The following SLC6A2 variants were observed in gnomAD, a reference collection of about 807,000 sequenced individuals.
The protein encoded by SLC6A2 is solute carrier family 6 member 2.
In SLC6A2, 26 loss-of-function variants were observed where a neutral mutation model predicts 71.7. That is an observed-to-expected ratio of 0.36 (90% CI 0.27 to 0.50). The LOEUF (loss-of-function observed/expected upper bound fraction) is 0.50, where lower values mean the gene tolerates loss of function less well. Ranked by LOEUF, SLC6A2 falls within the 20% of genes least tolerant of loss-of-function variation. The pLI is 0.96. For missense variants in SLC6A2, 581 were observed against 803.9 expected (o/e 0.72, Z 3.35); for synonymous variants, 363 against 337.9 (o/e 1.07, Z -0.82).
intron 2 of SLC6A2, among the ~76,000 whole-genome samples, chr16:55,662,839 A>G (rs574284672): frequency 7.2e-5 from 11 of 152,166 alleles, no homozygotes; most frequent in African/African-American, 2.2e-4. Flanking sequence ...CAGGTCTTTC[A>G]CTCAACAACA....
intron 2 of SLC6A2, among the ~76,000 whole-genome samples, chr16:55,657,551 A>G (rs1434856200): frequency 1.3e-5 from 2 of 152,226 alleles, no homozygotes; most frequent in African/African-American, 2.4e-5. Flanking sequence ...AGAAGCCAGT[A>G]TCAGAAATAA....
chr16:55,675,505 T>C (rs1475244882), intron 4 of SLC6A2, among the ~76,000 whole-genome samples: 3 of 152,202 alleles, frequency 2.0e-5, no homozygotes, highest in East Asian at 3.9e-4. Context: ...AGGTCGTACC[T>C]AAACAGTCCA....
chr16:55,690,219 C>T (rs1437179153), intron 5 of SLC6A2, among the ~76,000 whole-genome samples: 3 of 152,158 alleles, frequency 2.0e-5, no homozygotes, highest in Non-Finnish European at 4.4e-5. Flanking sequence ...ATCATTCGTA[C>T]AATAAACATT....
chr16:55,666,522 G>A (rs1326299513), intron 2 of SLC6A2, among the ~76,000 whole-genome samples: 1 of 152,176 alleles, frequency 6.6e-6, no homozygotes, highest in Non-Finnish European at 1.5e-5. Flanking sequence ...GCCGCGGGTA[G>A]CTGGCTGTTT....
chr16:55,680,812 C>A (rs1965247636), intron 4 of SLC6A2, among the ~76,000 whole-genome samples: 1 of 152,080 alleles, frequency 6.6e-6, no homozygotes, highest in African/African-American at 2.4e-5. Flanking sequence ...TAGCGGGGAC[C>A]AGACATGGCA....
rs1207956436 is a variant in SLC6A2, at chr16:55,703,496, G to A, written c.*1150G>A. The A allele has an allele frequency of 1.0e-6, 1 of 985,266 alleles. No homozygotes were observed. Among genetic ancestry groups the A allele is most frequent in the Non-Finnish European group, 1.2e-6 (1 of 829,918 alleles). The allele number at this position is 985,266 out of a possible 1,614,324, so 61.0% of individuals were successfully genotyped here. The stretch of plus-strand genomic sequence containing the variant: ...CCAGAAATACTCTCTCAAGTGGAGG[G>A]GAGAATTTTGAGAGTGGATGGAACA... On this transcript the variant is annotated 3_prime_UTR_variant, in exon 15 of 15. Coordinates refer to ENST00000568943, the MANE Select transcript of SLC6A2 (RefSeq NM_001172501.3).
intron 3 of SLC6A2, among the ~76,000 whole-genome samples, chr16:55,671,176 G>A (rs1964899359): frequency 1.3e-5 from 2 of 152,198 alleles, no homozygotes; most frequent in South Asian, 4.1e-4. Context: ...AGCAGCAACT[G>A]GGGATAGGGA....
At chr16:55,670,266 A>G (rs1323251884) in intron 3 of SLC6A2, among the ~76,000 whole-genome samples, 1 of 152,178 alleles carries the variant, frequency 6.6e-6, no homozygotes, top group African/African-American at 2.4e-5. Context: ...CACTGGTTGG[A>G]GAACTGGGCA....
chr16:55,691,966 C>T lies in SLC6A2; in HGVS notation c.832C>T (p.Leu278=), dbSNP rs745679018. 1.9e-6 allele frequency: 3 copies of T among 1,614,070 alleles called. 1 individual carries two copies. The highest frequency in any genetic ancestry group is 2.2e-5 in the South Asian group (2 of 91,082). Residue 278 remains leucine, a synonymous_variant, in exon 6 of 15, where the codon CTG becomes TTG. Coordinates refer to ENST00000568943, the MANE Select transcript of SLC6A2 (RefSeq NM_001172501.3). ...GCCTTACTTCGTGCTGTTCGTGCTC[C>T]TGGTCCATGGCGTCACGCTGCCCGG... ...TLPYFVLFVL[L]VHGVTLPGAS...
Position 55,663,722 on chromosome 16 carries a change from G to A in SLC6A2, c.275-5843G>A, listed in dbSNP as rs576472494. 3.9e-5 allele frequency among the ~76,000 whole-genome samples: 6 copies of A among 152,076 alleles called. No individual in the cohort carries two copies. In the East Asian group the frequency reaches 1.2e-3, roughly 29 times the overall value. On this transcript the variant is annotated intron_variant, in intron 2 of 14. Transcript: ENST00000568943. The stretch of plus-strand genomic sequence containing the variant: ...TACCAATAGCCCTTGTTGTAACATT[G>A]GGGCACGTTAGGCCTCAGAAAACAG...
chr16:55,670,989 C>T (rs1964892223), intron 3 of SLC6A2, among the ~76,000 whole-genome samples: 1 of 152,200 alleles, frequency 6.6e-6, no homozygotes, highest in Admixed American at 6.5e-5. Context: ...CCTAAAGGAG[C>T]TTGTGATACA....
Position 55,656,776 on chromosome 16 carries a change from C to T in SLC6A2, c.82C>T (p.Arg28Cys). 1 of 1,613,300 alleles carries T rather than the reference C, an allele frequency of 6.2e-7. No homozygotes were observed. The highest frequency in any genetic ancestry group is 8.5e-7 in the Non-Finnish European group (1 of 1,179,802). ...GGGTCCAGAGCAGCCCCTTCGGGCG[C>T]GCAAAACTGCGGAGCTGCTGGTGGT... is the stretch of plus-strand genomic sequence containing the variant. ...DTGPEQPLRARKTAELLVVKE... is the reference protein window; with the variant it reads ...DTGPEQPLRACKTAELLVVKE... Residue 28 changes from arginine to cysteine, a missense_variant, in exon 2 of 15, where the codon CGC becomes TGC. By Grantham distance (180) the Arg-to-Cys change is radical (BLOSUM62 -3). Transcript: ENST00000568943. The surrounding 1 kb of genome is among the most constrained non-coding windows in gnomAD (Gnocchi z 4.5).
At chr16:55,666,221 C>A (rs183201114) in intron 2 of SLC6A2, among the ~76,000 whole-genome samples, 2 of 152,204 alleles carry the variant, frequency 1.3e-5, no homozygotes, top group Non-Finnish European at 2.9e-5. Flanking sequence ...CTGGTTGCAG[C>A]TGGCACTGCC....
intron 2 of SLC6A2, among the ~76,000 whole-genome samples, chr16:55,666,645 A>G (rs985207831): frequency 6.6e-6 from 1 of 152,228 alleles, no homozygotes; most frequent in African/African-American, 2.4e-5. Context: ...AGCCGCAGGC[A>G]CATGCAGACC....
chr16:55,699,049 A>G (rs1228356229), intron 11 of SLC6A2, among the ~76,000 whole-genome samples: 1 of 152,188 alleles, frequency 6.6e-6, no homozygotes, highest in African/African-American at 2.4e-5. Context: ...CTGAGAGAAT[A>G]TTTTACAAAC....
intron 12 of SLC6A2, among the ~76,000 whole-genome samples, chr16:55,699,866 G>A (rs1457003357): frequency 3.3e-5 from 5 of 152,020 alleles, no homozygotes; most frequent in Admixed American, 1.3e-4. Context: ...AGGTCCCCGG[G>A]GGCTGTTATG....
At chr16:55,684,748 G>A (rs957473069) in intron 4 of SLC6A2, among the ~76,000 whole-genome samples, 1 of 152,178 alleles carries the variant, frequency 6.6e-6, no homozygotes, top group Non-Finnish European at 1.5e-5. Flanking sequence ...ATATCCTCCG[G>A]GGTGGGGGTC....
chr16:55,680,767 G>A (rs1355712620), intron 4 of SLC6A2, among the ~76,000 whole-genome samples: 1 of 152,140 alleles, frequency 6.6e-6, no homozygotes, highest in African/African-American at 2.4e-5. Context: ...TGGACAGTGG[G>A]GGTGGGGGTA....
In SLC6A2 at chr16:55,699,609, A is replaced by G. The variant is rs750012667; in HGVS notation, c.1545A>G (p.Leu515=). The G allele has an allele frequency of 1.2e-6, 2 of 1,614,162 alleles. No homozygotes were observed. The highest frequency in any genetic ancestry group is 1.7e-5 in the Admixed American group (1 of 60,032). The change falls in exon 12 of 15, where the codon CTA becomes CTG. Residue 515 remains leucine, a synonymous_variant. Coordinates refer to ENST00000568943, the MANE Select transcript of SLC6A2 (RefSeq NM_001172501.3). ...IQQMMGFRPG[L]YWRLCWKFVS... ...AGATGATGGGGTTCAGGCCGGGTCT[A>G]TACTGGAGACTGTGCTGGAAGTTCG...
Sources: gnomAD v4.1 joint callset for allele counts (sites outside exome capture counted in the v4.1 genomes callset) on GRCh38, gnomAD v4.1.1 for gene constraint, Gnocchi (gnomAD v3.1) non-coding constraint, MANE v1.5 for transcripts, NCBI Gene and HGNC (gene_info 2026-07-23, HGNC 2026-07-21) for gene names.